RBMS3: variants seen among roughly 807,000 people sequenced by gnomAD.
RBMS3 encodes the protein RNA-binding motif, single-stranded-interacting protein 3.
In RBMS3, 27 loss-of-function variants were observed where a neutral mutation model predicts 66.8. The ratio of observed to expected loss-of-function variants is 0.40; its 90% CI spans 0.30 to 0.56. The LOEUF (loss-of-function observed/expected upper bound fraction) is 0.56, where lower values mean the gene tolerates loss of function less well. RBMS3 is among the 20% of genes least tolerant of loss of function. The pLI is 0.40. For synonymous variants in RBMS3, 188 were observed against 183.0 expected (o/e 1.03, Z -0.22); for missense variants, 513 against 549.5 (o/e 0.93, Z 0.66).
intron 1 of RBMS3, among the ~76,000 whole-genome samples, chr3:29,282,866 G>A (rs778473135): frequency 3.9e-5 from 6 of 152,108 alleles, no homozygotes; most frequent in Non-Finnish European, 7.4e-5. Context: ...GTCCAGCAAC[G>A]CCTATTTGTA....
chr3:29,944,166 G>GCATT, intron 11 of RBMS3, 41 bp from the exon 12 acceptor site: 1 of 1,519,250 alleles, frequency 6.6e-7, no homozygotes, highest in Non-Finnish European at 9.1e-7. Context: ...ATTTTCTTTT[G>GCATT]TACTTCATTG....
intron 4 of RBMS3, among the ~76,000 whole-genome samples, chr3:29,687,693 C>T (rs546384009): frequency 1.2e-4 from 19 of 152,250 alleles, no homozygotes; most frequent in African/African-American, 4.6e-4. Flanking sequence ...ACAGCAAAAA[C>T]ATTAATTTGA....
At chr3:29,675,611 G>T (rs1050383839) in intron 4 of RBMS3, among the ~76,000 whole-genome samples, 15 of 152,082 alleles carry the variant, frequency 9.9e-5, no homozygotes, top group African/African-American at 3.4e-4. Context: ...TCAAAAAATG[G>T]GTGAAGGATA....
intron 3 of RBMS3, among the ~76,000 whole-genome samples, chr3:29,501,420 C>T (rs2043967674): frequency 1.3e-5 from 2 of 152,050 alleles, no homozygotes; most frequent in African/African-American, 4.8e-5. Flanking sequence ...TATATCTTTC[C>T]AGATAAGATG....
At chr3:29,508,349 C>T (rs1291989299) in intron 3 of RBMS3, among the ~76,000 whole-genome samples, 1 of 152,152 alleles carries the variant, frequency 6.6e-6, no homozygotes, top group African/African-American at 2.4e-5. Flanking sequence ...TATACCTCCC[C>T]TATCCCTCCA....
chr3:29,656,323 T>G (rs998234935), intron 4 of RBMS3, among the ~76,000 whole-genome samples: 3 of 152,202 alleles, frequency 2.0e-5, no homozygotes, highest in African/African-American at 7.2e-5. Flanking sequence ...ACCCTTTTAA[T>G]GTATAGATAT....
At chr3:29,650,428 C>A (rs958267127) in intron 4 of RBMS3, among the ~76,000 whole-genome samples, 1 of 151,980 alleles carries the variant, frequency 6.6e-6, no homozygotes, top group African/African-American at 2.4e-5. Flanking sequence ...GTTACTGTGA[C>A]TACATGCCCA....
At chr3:29,942,645 C>T (rs1277067987) in intron 11 of RBMS3, among the ~76,000 whole-genome samples, 1 of 151,782 alleles carries the variant, frequency 6.6e-6, no homozygotes, top group Non-Finnish European at 1.5e-5. Flanking sequence ...ACAAGTGTGG[C>T]TATTTCCAGG....
chr3:29,566,072 T>C (rs1343184877), intron 3 of RBMS3, among the ~76,000 whole-genome samples: 1 of 152,236 alleles, frequency 6.6e-6, no homozygotes, highest in Non-Finnish European at 1.5e-5. Context: ...GCTCATTCAT[T>C]CACTTACTTA....
At chr3:29,700,644 G>A (rs933141000) in intron 4 of RBMS3, among the ~76,000 whole-genome samples, 1 of 151,726 alleles carries the variant, frequency 6.6e-6, no homozygotes, top group African/African-American at 2.4e-5. Flanking sequence ...AGGTGCAAAA[G>A]AGGGAATCCT....
At chr3:29,969,345 A>G (rs892408433) in intron 12 of RBMS3, among the ~76,000 whole-genome samples, 3 of 152,254 alleles carry the variant, frequency 2.0e-5, no homozygotes, top group Non-Finnish European at 2.9e-5. Flanking sequence ...AAGAACAGTT[A>G]AACACCCAGC....
At chr3:29,646,524 TG>T (rs201929662) in intron 4 of RBMS3, among the ~76,000 whole-genome samples, 17,042 of 152,210 alleles carry the variant, frequency 0.11, 1,102 homozygotes, top group East Asian at 0.3. Flanking sequence ...GAGTTCTTTT[TG>T]TTTCACTACC....
intron 12 of RBMS3, among the ~76,000 whole-genome samples, chr3:29,957,401 A>G (rs1696115626): frequency 1.3e-5 from 2 of 152,262 alleles, no homozygotes; most frequent in Middle Eastern, 3.4e-3. Context: ...ACATAATCCT[A>G]ACTTTCTCCT....
At chr3:29,585,615 A>T (rs1255209078) in intron 3 of RBMS3, among the ~76,000 whole-genome samples, 1 of 152,114 alleles carries the variant, frequency 6.6e-6, no homozygotes, top group Non-Finnish European at 1.5e-5. Context: ...CTAGCACAGC[A>T]ACCGACATGT....
chr3:29,285,768 A>C (rs2032277171), intron 1 of RBMS3, among the ~76,000 whole-genome samples: 1 of 152,182 alleles, frequency 6.6e-6, no homozygotes, highest in African/African-American at 2.4e-5. Flanking sequence ...GCTGAAGCAC[A>C]ATTGATTGTG....
At chr3:29,454,827 G>C (rs570161161) in intron 2 of RBMS3, among the ~76,000 whole-genome samples, 1 of 152,224 alleles carries the variant, frequency 6.6e-6, no homozygotes, top group African/African-American at 2.4e-5. Context: ...GGCTATCTAG[G>C]TCACAGACAA....
At chr3:29,346,946 G>A (rs1183924685) in intron 1 of RBMS3, among the ~76,000 whole-genome samples, 1 of 152,300 alleles carries the variant, frequency 6.6e-6, no homozygotes, top group African/African-American at 2.4e-5. Flanking sequence ...TTGACCATAT[G>A]TTTCTAACTA....
At chr3:29,801,552 G>GC (rs72354851) in intron 6 of RBMS3, among the ~76,000 whole-genome samples, 1,087 of 52,038 alleles carry the variant, frequency 0.021, 13 homozygotes, top group African/African-American at 0.072. Context: ...ACAGGCATGA[G>GC]CACCTGACCA....
At chr3:29,905,267 C>A (rs1385845431) in intron 10 of RBMS3, among the ~76,000 whole-genome samples, 3 of 152,114 alleles carry the variant, frequency 2.0e-5, no homozygotes, top group South Asian at 2.1e-4. Context: ...ATTTTGACAA[C>A]CCCAGCTTTA....
Sources: gnomAD v4.1 joint callset for allele counts (sites outside exome capture counted in the v4.1 genomes callset) on GRCh38, gnomAD v4.1.1 for gene constraint, MANE v1.5 for transcripts, NCBI Gene and HGNC (gene_info 2026-07-23, HGNC 2026-07-21) for gene names.